The following ARHGAP44 variants were observed in gnomAD, a reference collection of about 807,000 sequenced individuals.
ARHGAP44 encodes the protein rho GTPase-activating protein 44.
In ARHGAP44, 43 loss-of-function variants were observed where a neutral mutation model predicts 106.8. The ratio of observed to expected loss-of-function variants is 0.40; its 90% confidence interval spans 0.32 to 0.52. The LOEUF (loss-of-function observed/expected upper bound fraction) is 0.52. ARHGAP44 is among the 20% of genes least tolerant of loss of function. The probability of loss-of-function intolerance (pLI) is 0.48; values close to 1 mark genes in which losing one functional copy is unlikely to be tolerated. For synonymous variants in ARHGAP44, 439 were observed against 410.3 expected (o/e 1.07, Z -0.85); for missense variants, 866 against 1,050.5 (o/e 0.82, Z 2.43).
At chr17:12,968,358 A>G (rs1052881738) in intron 16 of ARHGAP44, among the ~76,000 whole-genome samples, 1 of 152,200 alleles carries the variant, frequency 6.6e-6, no homozygotes, top group Non-Finnish European at 1.5e-5. Context: ...CGGTTGCAGG[A>G]GGCTCCCCAG....
At chr17:12,963,122 T>C (rs931267736) in intron 16 of ARHGAP44, among the ~76,000 whole-genome samples, 1 of 147,166 alleles carries the variant, frequency 6.8e-6, no homozygotes, top group African/African-American at 2.5e-5. Flanking sequence ...ACAGCAGCCA[T>C]AGGAAGCCAA....
chr17:12,897,769 G>A (rs951229473), intron 3 of ARHGAP44, among the ~76,000 whole-genome samples: 1 of 132,964 alleles, frequency 7.5e-6, no homozygotes, highest in African/African-American at 2.8e-5. Flanking sequence ...CTGGTCCAAA[G>A]TACAGTATGT....
At chr17:12,969,731 A>G (rs906980130) in intron 16 of ARHGAP44, among the ~76,000 whole-genome samples, 1 of 152,154 alleles carries the variant, frequency 6.6e-6, no homozygotes, top group African/African-American at 2.4e-5. Context: ...GCTAGACCCT[A>G]CTACAACCCA....
At chr17:12,822,333 C>A (rs941867410) in intron 1 of ARHGAP44, among the ~76,000 whole-genome samples, 1 of 148,464 alleles carries the variant, frequency 6.7e-6, no homozygotes, top group African/African-American at 2.6e-5. Flanking sequence ...AAAAATTATT[C>A]TTGTGGACCA....
chr17:12,911,822 GTCT>G (rs1169626569), intron 4 of ARHGAP44, among the ~76,000 whole-genome samples: 3 of 152,176 alleles, frequency 2.0e-5, no homozygotes, highest in Non-Finnish European at 4.4e-5. Flanking sequence ...CTCCACAGCC[GTCT>G]TCTTCCACTC....
In ARHGAP44 at chr17:12,921,773, G is replaced by A. The variant is rs552377775; in HGVS notation, c.464+1942G>A. Among the ~76,000 whole-genome samples, 13 of 152,232 alleles carry A rather than the reference G, an allele frequency of 8.5e-5. No individual in the cohort carries two copies. In the South Asian group the frequency reaches 1.2e-3, roughly 15 times the overall value. On this transcript the variant is annotated intron_variant, in intron 6 of 20. Coordinates refer to ENST00000379672, the MANE Select transcript of ARHGAP44 (RefSeq NM_014859.6). ...AGAATATCATTTTCTTCACCTGGAC[G>A]CAAGGAGTAACATTCGTGGGTGGCT...
At chr17:12,904,292 G>A (rs2037480859) in intron 3 of ARHGAP44, among the ~76,000 whole-genome samples, 1 of 152,092 alleles carries the variant, frequency 6.6e-6, no homozygotes, top group Non-Finnish European at 1.5e-5. Flanking sequence ...ATTTTTAGTA[G>A]AGATGGGGCT....
rs1109767 is a variant in ARHGAP44 at position 12,974,213 on chromosome 17, C to T, written c.1666C>T (p.Leu556=). Residue 556 remains leucine (L), a synonymous_variant, in exon 18 of 21, where the codon CTG becomes TTG. Transcript: ENST00000379672. ...CCCGCCCGCCGAGCTGGCTGCGCCC[C>T]TGCCTTCGCCGCTGCCGGAGCAGCC... is the stretch of plus-strand genomic sequence containing the variant. ...PAPPAELAAP[L]PSPLPEQPLD... is the part of the protein sequence containing the mutation. 0.037 allele frequency: 57,981 copies of T among 1,546,984 alleles called. 1,327 individuals are homozygous for T. Among genetic ancestry groups the T allele is most frequent in the African/African-American group, 0.1 (7,350 of 73,026 alleles).
chr17:12,800,453 C>G (rs1238044974), intron 1 of ARHGAP44, among the ~76,000 whole-genome samples: 1 of 152,196 alleles, frequency 6.6e-6, no homozygotes, highest in East Asian at 1.9e-4. Context: ...GGAGGCAGCT[C>G]TTCTGAGACC....
chr17:12,872,408 G>A (rs2036432305), intron 1 of ARHGAP44, among the ~76,000 whole-genome samples: 1 of 151,400 alleles, frequency 6.6e-6, no homozygotes, highest in African/African-American at 2.4e-5. Flanking sequence ...TACTGGATTA[G>A]GTTTTTATCC....
Position 12,955,995 on chromosome 17 carries a change from G to A in ARHGAP44, c.1250+15G>A. On this transcript the variant is annotated intron_variant, in intron 14 of 20. Coordinates refer to ENST00000379672, the MANE Select transcript of ARHGAP44 (RefSeq NM_014859.6). The stretch of plus-strand genomic sequence containing the variant: ...CAAGCAGAAGGGTAAGTACAGGGCG[G>A]AGAAGTAATGTGGGTGATCAGGTGG... 1 of 1,591,884 alleles carries A rather than the reference G, an allele frequency of 6.3e-7. No individual in the cohort carries two copies. Among genetic ancestry groups the A allele is most frequent in the South Asian group, 1.1e-5 (1 of 90,026 alleles).
intron 1 of ARHGAP44, among the ~76,000 whole-genome samples, chr17:12,798,627 A>G (rs889571093): frequency 6.6e-6 from 1 of 152,180 alleles, no homozygotes; most frequent in African/African-American, 2.4e-5. Context: ...TGGTGTGTTC[A>G]TATTTTTCAA....
chr17:12,958,557 G>C lies in ARHGAP44; in HGVS notation c.1343-160G>C, dbSNP rs190572107. ...GTGATCACATGTGTCCCCCTTTTTGGCCTGTTAATGTGATGCATTATATTA... is the reference window on the plus strand; with the variant it reads ...GTGATCACATGTGTCCCCCTTTTTGCCCTGTTAATGTGATGCATTATATTA... On this transcript the variant is annotated intron_variant, in intron 15 of 20. Transcript: ENST00000379672. The surrounding 1 kb of genome is among the most constrained non-coding windows in gnomAD (Gnocchi z 4.1). 2.0e-5 allele frequency among the ~76,000 whole-genome samples: 3 copies of C among 151,486 alleles called. No individual in the cohort carries two copies. In the East Asian group the frequency reaches 5.8e-4, roughly 29 times the overall value.
At chr17:12,947,381 A>G (rs561786690) in intron 10 of ARHGAP44, among the ~76,000 whole-genome samples, 5 of 152,234 alleles carry the variant, frequency 3.3e-5, no homozygotes, top group Admixed American at 2.6e-4. Flanking sequence ...CCACAGGGGC[A>G]TCAGGGTTCT....
intron 2 of ARHGAP44, among the ~76,000 whole-genome samples, chr17:12,896,016 C>T (rs2037191192): frequency 1.3e-5 from 2 of 150,318 alleles, no homozygotes; most frequent in East Asian, 3.9e-4. Flanking sequence ...GAAAATCAAA[C>T]ACCACATGTT....
chr17:12,922,391 A>C (rs1188073154), intron 6 of ARHGAP44, among the ~76,000 whole-genome samples: 1 of 152,170 alleles, frequency 6.6e-6, no homozygotes, highest in Non-Finnish European at 1.5e-5. Context: ...TGCCACGTAA[A>C]ATTGCATCCC....
At chr17:12,926,850 G>T (rs1256652786) in intron 6 of ARHGAP44, among the ~76,000 whole-genome samples, 1 of 152,026 alleles carries the variant, frequency 6.6e-6, no homozygotes, top group Non-Finnish European at 1.5e-5. Flanking sequence ...CAGGTAGCAT[G>T]AGTCAGATGG....
At chr17:12,852,829 C>T (rs566074111) in intron 1 of ARHGAP44, among the ~76,000 whole-genome samples, 3 of 152,102 alleles carry the variant, frequency 2.0e-5, no homozygotes, top group African/African-American at 7.2e-5. Flanking sequence ...GCGTGAGCCA[C>T]TGTGCCTGGC....
chr17:12,883,358 T>A (rs2036792152), intron 1 of ARHGAP44, among the ~76,000 whole-genome samples: 1 of 151,658 alleles, frequency 6.6e-6, no homozygotes, highest in African/African-American at 2.4e-5. Flanking sequence ...ACCTATATGA[T>A]TTTTACTATA....
Sources: allele counts gnomAD v4.1 joint callset (sites outside exome capture counted in the v4.1 genomes callset), GRCh38; gene constraint gnomAD v4.1.1; non-coding constraint Gnocchi (gnomAD v3.1); transcripts MANE v1.5; gene names NCBI Gene and HGNC (gene_info 2026-07-23, HGNC 2026-07-21).